HS3ST4: variants seen among roughly 807,000 people sequenced by gnomAD.
HS3ST4 encodes the protein heparan sulfate glucosamine 3-O-sulfotransferase 4.
Under a neutral mutation model 29.2 loss-of-function variants are expected in HS3ST4, and 17 were observed. The ratio of observed to expected loss-of-function variants is 0.58; its 90% CI spans 0.40 to 0.87. The LOEUF (loss-of-function observed/expected upper bound fraction) is 0.87, where lower values mean the gene tolerates loss of function less well. Among genes scored for constraint, HS3ST4 ranks in the 40% least tolerant of loss-of-function variants. The pLI, the probability that HS3ST4 is intolerant of heterozygous loss-of-function variation, is 0.00. For synonymous variants in HS3ST4, 314 were observed against 285.7 expected (o/e 1.10, Z -1.00); for missense variants, 627 against 634.5 (o/e 0.99, Z 0.13).
chr16:26,031,772 G>T (rs1159732114), intron 1 of HS3ST4, among the ~76,000 whole-genome samples: 1 of 151,430 alleles, frequency 6.6e-6, no homozygotes, highest in African/African-American at 2.4e-5. Context: ...AACAATCATG[G>T]TATTTCAGGC....
intron 1 of HS3ST4, among the ~76,000 whole-genome samples, chr16:25,882,396 C>T (rs1313781037): frequency 1.3e-5 from 2 of 152,052 alleles, no homozygotes; most frequent in Non-Finnish European, 2.9e-5. Context: ...CTTTCGGTTC[C>T]AGGAGAGGAA....
rs1329170968 is a variant in HS3ST4 at position 25,828,318 on chromosome 16, C to T, written c.734+135167C>T. 4.2e-4 allele frequency among the ~76,000 whole-genome samples: 53 copies of T among 125,730 alleles called. 1 individual carries two copies. The highest frequency in any genetic ancestry group is 1.3e-3 in the African/African-American group (39 of 30,608). The allele number at this position is 125,730 out of a possible 152,430, so 82.5% of individuals were successfully genotyped here. A position where few individuals can be genotyped will look rare whatever the true frequency, so the allele number is the denominator to read the frequency against. On this transcript the variant is annotated intron_variant, in intron 1 of 1. Transcript: ENST00000331351. ...TTTCTTTCCCTCTCTCTCTCTCTCTCTCTCTCTCTCTCTCTCTCTCTTTCT... is the reference window on the plus strand; with the variant it reads ...TTTCTTTCCCTCTCTCTCTCTCTCTTTCTCTCTCTCTCTCTCTCTCTTTCT...
intron 1 of HS3ST4, among the ~76,000 whole-genome samples, chr16:25,827,545 A>AAC (rs1555467511): frequency 2.6e-4 from 39 of 151,250 alleles, no homozygotes; most frequent in South Asian, 8.4e-4. Context: ...AAAAAAAAAA[A>AAC]AACAACAACA....
intron 1 of HS3ST4, among the ~76,000 whole-genome samples, chr16:25,731,177 T>C (rs1292945958): frequency 6.6e-6 from 1 of 152,186 alleles, no homozygotes; most frequent in Non-Finnish European, 1.5e-5. Context: ...CCCACATGAC[T>C]GATCTTAGCT....
intron 1 of HS3ST4, among the ~76,000 whole-genome samples, chr16:26,081,094 C>T (rs1476981621): frequency 6.6e-6 from 1 of 152,078 alleles, no homozygotes; most frequent in Non-Finnish European, 1.5e-5. Context: ...TGAGACCAGC[C>T]TGGACAACAT....
At chr16:25,781,040 C>T (rs539434670) in intron 1 of HS3ST4, among the ~76,000 whole-genome samples, 6 of 152,272 alleles carry the variant, frequency 3.9e-5, no homozygotes, top group African/African-American at 1.4e-4. Context: ...GTGCAATTAC[C>T]AAGACTTTGG....
chr16:26,100,566 G>A (rs1898978508), intron 1 of HS3ST4, among the ~76,000 whole-genome samples: 1 of 152,046 alleles, frequency 6.6e-6, no homozygotes, highest in South Asian at 2.1e-4. Context: ...ACCTCATTGT[G>A]GTGTGTTTGA....
chr16:25,724,118 A>C (rs971224179), intron 1 of HS3ST4, among the ~76,000 whole-genome samples: 2,432 of 149,628 alleles, frequency 0.016, 69 homozygotes, highest in African/African-American at 0.055. Context: ...ATCTCAAAAA[A>C]AAAAAAAAAA....
intron 1 of HS3ST4, among the ~76,000 whole-genome samples, chr16:25,806,193 T>C (rs959082453): frequency 6.6e-6 from 1 of 152,204 alleles, no homozygotes; most frequent in African/African-American, 2.4e-5. Context: ...ACCTCTGCAG[T>C]GCACATTGCC....
chr16:25,706,614 T>C (rs1173820972), intron 1 of HS3ST4, among the ~76,000 whole-genome samples: 1 of 152,132 alleles, frequency 6.6e-6, no homozygotes, highest in East Asian at 1.9e-4. Flanking sequence ...CTCCCACTTA[T>C]GAATGAGAAC....
chr16:26,082,427 T>C (rs896378767), intron 1 of HS3ST4, among the ~76,000 whole-genome samples: 6 of 152,206 alleles, frequency 3.9e-5, no homozygotes, highest in African/African-American at 1.4e-4. Flanking sequence ...TCATCACATA[T>C]TTAAGGGAGC....
chr16:25,955,003 G>C (rs1968715428), intron 1 of HS3ST4, among the ~76,000 whole-genome samples: 1 of 152,182 alleles, frequency 6.6e-6, no homozygotes, highest in Admixed American at 6.5e-5. Flanking sequence ...AAGGTCAGTG[G>C]CAGCTTTTCA....
intron 1 of HS3ST4, among the ~76,000 whole-genome samples, chr16:26,130,608 C>T (rs751969502): frequency 2.0e-4 from 30 of 152,248 alleles, no homozygotes; most frequent in Admixed American, 3.3e-4. Flanking sequence ...AGCCCTGTAA[C>T]GCAGGTAGTT....
At chr16:25,946,086 C>T (rs1180669095) in intron 1 of HS3ST4, among the ~76,000 whole-genome samples, 1 of 152,164 alleles carries the variant, frequency 6.6e-6, no homozygotes, top group Non-Finnish European at 1.5e-5. Context: ...TGCCGCCAGC[C>T]ACTCTTTCTG....
chr16:25,701,487 C>T (rs1016503392), intron 1 of HS3ST4, among the ~76,000 whole-genome samples: 1 of 152,030 alleles, frequency 6.6e-6, no homozygotes, highest in African/African-American at 2.4e-5. Flanking sequence ...TTCAAGGGTG[C>T]TATTTTTAGA....
chr16:26,076,784 GAATTCCTTAGA>G (rs1898669550), intron 1 of HS3ST4, among the ~76,000 whole-genome samples: 1 of 152,202 alleles, frequency 6.6e-6, no homozygotes, highest in Non-Finnish European at 1.5e-5. Flanking sequence ...TAGGCACTCT[GAATTCCTTAGA>G]AATTGTTCAG....
chr16:25,995,512 A>G (rs1304158518), intron 1 of HS3ST4, among the ~76,000 whole-genome samples: 1 of 152,192 alleles, frequency 6.6e-6, no homozygotes, highest in African/African-American at 2.4e-5. Context: ...TTCCACTGAA[A>G]ACTTAAAATG....
At chr16:25,817,604 G>C (rs1967106921) in intron 1 of HS3ST4, among the ~76,000 whole-genome samples, 1 of 152,180 alleles carries the variant, frequency 6.6e-6, no homozygotes, top group Non-Finnish European at 1.5e-5. Context: ...AAGAGAGAAA[G>C]TATAACGTGG....
At chr16:26,121,277 G>A (rs938545693) in intron 1 of HS3ST4, among the ~76,000 whole-genome samples, 1 of 152,204 alleles carries the variant, frequency 6.6e-6, no homozygotes, top group African/African-American at 2.4e-5. Flanking sequence ...GCTATAAGCA[G>A]TCAATAAGTG....
Sources: gnomAD v4.1 joint callset for allele counts (sites outside exome capture counted in the v4.1 genomes callset) on GRCh38, gnomAD v4.1.1 for gene constraint, MANE v1.5 for transcripts, NCBI Gene and HGNC (gene_info 2026-07-23, HGNC 2026-07-21) for gene names.